Variants in EPB41L3 observed in about 807,000 individuals in gnomAD.
EPB41L3 encodes erythrocyte membrane protein band 4.1 like 3.
EPB41L3 carries 57 observed loss-of-function variants against 127.1 expected under a neutral mutation model. The ratio of observed to expected loss-of-function variants is 0.45; its 90% CI spans 0.36 to 0.56. The LOEUF (loss-of-function observed/expected upper bound fraction) is 0.56. Ranked by LOEUF, EPB41L3 falls within the 20% of genes least tolerant of loss-of-function variation. The probability of loss-of-function intolerance (pLI) is 0.00; values close to 1 mark genes in which losing one functional copy is unlikely to be tolerated. For synonymous variants in EPB41L3, 572 were observed against 549.5 expected (o/e 1.04, Z -0.57); for missense variants, 1,273 against 1,372.2 (o/e 0.93, Z 1.14).
chr18:5,465,337 TA>T (rs1451766078), intron 3 of EPB41L3, among the ~76,000 whole-genome samples: 1 of 152,174 alleles, frequency 6.6e-6, no homozygotes, highest in Non-Finnish European at 1.5e-5. Context: ...CTTTCCAGGT[TA>T]AACAACAAAT....
chr18:5,609,207 T>G (rs931520089), intron 3 of EPB41L3, among the ~76,000 whole-genome samples: 4 of 152,186 alleles, frequency 2.6e-5, no homozygotes, highest in African/African-American at 7.2e-5. Context: ...AATTTTCCTA[T>G]GGAGGTATGC....
At chr18:5,536,059 A>C (rs778405000) in intron 1 of EPB41L3, among the ~76,000 whole-genome samples, 2 of 152,122 alleles carry the variant, frequency 1.3e-5, no homozygotes, top group Non-Finnish European at 2.9e-5. Flanking sequence ...ACATGGGAGA[A>C]TGATGGGCAC....
rs746714732 is a variant in EPB41L3 at position 5,398,133 on chromosome 18, G to A, written c.2360C>T (p.Ser787Phe). 22 of 1,613,962 alleles carry A rather than the reference G, an allele frequency of 1.4e-5. No individual in the cohort carries two copies. Among genetic ancestry groups the A allele is most frequent in the Non-Finnish European group, 7.6e-6 (9 of 1,180,020 alleles). Reference sequence around the variant, plus strand: ...GCCATCCATGAGCTTTTCCCCAGAAGACTGCTTAGTCTGAGTGAACAAAGA... The same window carrying A: ...GCCATCCATGAGCTTTTCCCCAGAAAACTGCTTAGTCTGAGTGAACAAAGA... ...EPLVPEETKQ[S>F]SGEKLMDGSE... is the part of the protein sequence containing the mutation. The change falls in exon 17 of 23, where the codon TCT (serine) becomes TTT (phenylalanine). Residue 787 changes from serine to phenylalanine, a missense_variant. Physicochemically the swap from Ser to Phe is radical, Grantham distance 155. Coordinates refer to ENST00000341928, the MANE Select transcript of EPB41L3 (RefSeq NM_012307.5).
At chr18:5,499,304 T>C (rs922831713) in intron 1 of EPB41L3, among the ~76,000 whole-genome samples, 1 of 152,124 alleles carries the variant, frequency 6.6e-6, no homozygotes, top group Non-Finnish European at 1.5e-5. Context: ...TCATGTACAT[T>C]GGTATGCGGT....
At chr18:5,454,827 T>C (rs1188318177) in intron 3 of EPB41L3, among the ~76,000 whole-genome samples, 2 of 152,238 alleles carry the variant, frequency 1.3e-5, no homozygotes, top group African/African-American at 4.8e-5. Context: ...ACATGTGTGT[T>C]TAATTTCCAG....
At chr18:5,558,934 A>G (rs1248424989) in intron 3 of EPB41L3, among the ~76,000 whole-genome samples, 2 of 152,204 alleles carry the variant, frequency 1.3e-5, no homozygotes, top group Admixed American at 6.5e-5. Context: ...AGACTACATC[A>G]AGTATGAGTT....
At chr18:5,599,955 A>T (rs1430675713) in intron 3 of EPB41L3, among the ~76,000 whole-genome samples, 2 of 152,188 alleles carry the variant, frequency 1.3e-5, no homozygotes, top group East Asian at 3.9e-4. Flanking sequence ...AACATATTTA[A>T]AAATTGAATA....
At position 5,496,555 on chromosome 18, in the gene EPB41L3, T is replaced by C. The variant is rs543764104; in HGVS notation, c.-11-7361A>G. On this transcript the variant is annotated intron_variant, in intron 1 of 22. Transcript: ENST00000341928. ...GAGTGGCAGAAGAACCAATTCAAAT[T>C]CTGTTCTAGGATCTCTGCACTGTGA... 2.6e-5 allele frequency among the ~76,000 whole-genome samples: 4 copies of C among 152,214 alleles called. No individual in the cohort carries two copies. In the South Asian group the frequency reaches 8.3e-4, roughly 31 times the overall value.
At chr18:5,542,535 T>C (rs949587675) in intron 1 of EPB41L3, among the ~76,000 whole-genome samples, 1 of 149,998 alleles carries the variant, frequency 6.7e-6, no homozygotes, top group African/African-American at 2.5e-5. Flanking sequence ...GCGAGACTAA[T>C]GTAAAAAAGC....
intron 1 of EPB41L3, among the ~76,000 whole-genome samples, chr18:5,506,001 T>C (rs2092166440): frequency 7.2e-6 from 1 of 138,486 alleles, no homozygotes; most frequent in Admixed American, 7.1e-5. Flanking sequence ...CCAACACTAC[T>C]AGCCGTAACT....
intron 5 of EPB41L3, among the ~76,000 whole-genome samples, chr18:5,438,848 C>T (rs2080246489): frequency 6.6e-6 from 1 of 152,204 alleles, no homozygotes; most frequent in Non-Finnish European, 1.5e-5. Flanking sequence ...AACCAGGAGT[C>T]AGCTCACAAG....
At chr18:5,572,927 C>T (rs1311951965) in intron 3 of EPB41L3, among the ~76,000 whole-genome samples, 2 of 152,134 alleles carry the variant, frequency 1.3e-5, no homozygotes, top group Non-Finnish European at 2.9e-5. Flanking sequence ...GCCCTCTCCC[C>T]ACTTCTTGCT....
intron 3 of EPB41L3, among the ~76,000 whole-genome samples, chr18:5,572,314 A>G (rs1391878920): frequency 6.6e-6 from 1 of 152,186 alleles, no homozygotes; most frequent in Admixed American, 6.5e-5. Flanking sequence ...TCAACTGTAA[A>G]AGACATTAAA....
intron 1 of EPB41L3, among the ~76,000 whole-genome samples, chr18:5,529,325 CAT>C (rs58775836): frequency 0.032 from 4,755 of 150,326 alleles, 238 homozygotes; most frequent in African/African-American, 0.11. Context: ...CAAATACATA[CAT>C]ATATATATAT....
At chr18:5,407,656 G>A (rs2075626526) in intron 15 of EPB41L3, 45 bp downstream of exon 15, 2 of 1,592,846 alleles carry the variant, frequency 1.3e-6, no homozygotes, top group East Asian at 2.2e-5. Context: ...ATCACACACT[G>A]TTGTTTTGTT....
chr18:5,455,041 T>C (rs1266223438), intron 3 of EPB41L3, among the ~76,000 whole-genome samples: 1 of 152,226 alleles, frequency 6.6e-6, no homozygotes, highest in Non-Finnish European at 1.5e-5. Context: ...ATTGTTTTCA[T>C]TATAAAATGG....
intron 12 of EPB41L3, among the ~76,000 whole-genome samples, chr18:5,419,207 T>C (rs1161937385): frequency 6.6e-6 from 1 of 152,218 alleles, no homozygotes; most frequent in Non-Finnish European, 1.5e-5. Flanking sequence ...TGCCTTAAGA[T>C]CCCTTTTCAA....
chr18:5,410,007 A>G (rs893616111), intron 14 of EPB41L3, among the ~76,000 whole-genome samples: 6 of 152,174 alleles, frequency 3.9e-5, no homozygotes, highest in African/African-American at 1.4e-4. Context: ...TACTAACAGT[A>G]ATTTAAAAAT....
At chr18:5,437,831 G>C (rs2080085523) in intron 6 of EPB41L3, among the ~76,000 whole-genome samples, 1 of 152,202 alleles carries the variant, frequency 6.6e-6, no homozygotes, top group Non-Finnish European at 1.5e-5. Flanking sequence ...GGGAATATCA[G>C]CCTGGCACCA....
Sources: allele counts gnomAD v4.1 joint callset (sites outside exome capture counted in the v4.1 genomes callset), GRCh38; gene constraint gnomAD v4.1.1; transcripts MANE v1.5; gene names NCBI Gene and HGNC (gene_info 2026-07-23, HGNC 2026-07-21).